The following CACNG3 variants were observed in gnomAD, a reference collection of about 807,000 sequenced individuals.
The protein encoded by CACNG3 is calcium voltage-gated channel auxiliary subunit gamma 3.
A neutral mutation model predicts 28.5 loss-of-function variants in CACNG3; 3 were observed. That is an observed-to-expected ratio of 0.11 (90% confidence interval 0.05 to 0.27). The LOEUF is 0.27. CACNG3 is among the 10% of genes least tolerant of loss of function. CACNG3 has a pLI of 1.00. For missense variants in CACNG3, 236 were observed against 414.4 expected, an observed-to-expected ratio of 0.57 and a Z score of 3.74; for synonymous variants, 174 against 162.2, an observed-to-expected ratio of 1.07 and a Z score of -0.55.
Position 24,361,383 on chromosome 16 carries a change from T to C in CACNG3, c.468T>C (p.Tyr156=), listed in dbSNP as rs762094078. The part of the protein sequence containing the change: ...GLSNIIGIIV[Y]ISANAGDPGQ... ...GCAACATCATTGGCATCATAGTTTA[T>C]ATATCAGCCAACGCCGGAGACCCCG... Residue 156 remains tyrosine (Y), a synonymous_variant, in exon 4 of 4, where the codon TAT becomes TAC. Coordinates refer to ENST00000005284, the MANE Select transcript of CACNG3 (RefSeq NM_006539.4). This position sits in a 1 kb window ranked among gnomAD's most constrained non-coding sequence, Gnocchi z 6.8. 3.1e-6 allele frequency: 5 copies of C among 1,610,314 alleles called. No homozygotes were observed. In the South Asian group the frequency reaches 4.4e-5, roughly 14 times the overall value.
intron 1 of CACNG3, among the ~76,000 whole-genome samples, chr16:24,269,960 A>T (rs1406529255): frequency 1.3e-5 from 2 of 152,036 alleles, no homozygotes; most frequent in Admixed American, 1.3e-4. Flanking sequence ...ACTGAGGAAA[A>T]GAAAAAAGAA....
At chr16:24,282,381 A>G (rs1596626421) in intron 1 of CACNG3, among the ~76,000 whole-genome samples, 1 of 150,158 alleles carries the variant, frequency 6.7e-6, no homozygotes, top group East Asian at 1.9e-4. Context: ...ACACTTATCC[A>G]CTTGTGCGGC....
At chr16:24,330,644 G>C (rs1899620070) in intron 1 of CACNG3, among the ~76,000 whole-genome samples, 1 of 152,214 alleles carries the variant, frequency 6.6e-6, no homozygotes, top group African/African-American at 2.4e-5. Flanking sequence ...GAAGAGCCCA[G>C]GTGATTCTCA....
chr16:24,281,841 G>A (rs1421365205), intron 1 of CACNG3, among the ~76,000 whole-genome samples: 4 of 152,140 alleles, frequency 2.6e-5, no homozygotes, highest in African/African-American at 9.7e-5. Flanking sequence ...CTCTTTTAAC[G>A]TTGAGGAAAA....
chr16:24,265,089 A>G (rs910988014), intron 1 of CACNG3, among the ~76,000 whole-genome samples: 1 of 152,084 alleles, frequency 6.6e-6, no homozygotes, highest in Admixed American at 6.6e-5. Flanking sequence ...AAAATACAAA[A>G]AAGTTAGCCA....
chr16:24,277,669 A>C (rs1270150952), intron 1 of CACNG3, among the ~76,000 whole-genome samples: 1 of 151,620 alleles, frequency 6.6e-6, no homozygotes, highest in East Asian at 1.9e-4. Context: ...CAGCTACTCT[A>C]CTCAGGAGGC....
chr16:24,312,722 G>A (rs1482871915), intron 1 of CACNG3, among the ~76,000 whole-genome samples: 3 of 151,812 alleles, frequency 2.0e-5, no homozygotes, highest in Non-Finnish European at 4.4e-5. Flanking sequence ...GGAGACTGAG[G>A]CAGGAGAATC....
chr16:24,279,880 T>C (rs1898801139), intron 1 of CACNG3, among the ~76,000 whole-genome samples: 1 of 152,188 alleles, frequency 6.6e-6, no homozygotes, highest in African/African-American at 2.4e-5. Context: ...TTAAAAGTGT[T>C]GAGTTTGCAG....
chr16:24,256,698 C>T lies in CACNG3; in HGVS notation c.-57C>T. On this transcript the variant is annotated 5_prime_UTR_variant, in exon 1 of 4. Transcript: ENST00000005284. The surrounding 1 kb of genome is among the most constrained non-coding windows in gnomAD (Gnocchi z 4.6). ...TACCCGGCTGCAGAGTGATTTTCCC[C>T]TCCGGCACTGACTCTCCCCCTCCAA... The T allele has an allele frequency of 8.4e-7, 1 of 1,183,610 alleles. No individual in the cohort carries two copies. The highest frequency in any genetic ancestry group is 1.3e-6 in the Non-Finnish European group (1 of 788,588). 73.3% of individuals were successfully genotyped at this position (1,183,610 alleles called of 1,614,324 possible).
At chr16:24,285,723 T>G (rs1278497928) in intron 1 of CACNG3, among the ~76,000 whole-genome samples, 1 of 151,854 alleles carries the variant, frequency 6.6e-6, no homozygotes, top group Non-Finnish European at 1.5e-5. Context: ...AGATAATATG[T>G]ATATATAATT....
intron 2 of CACNG3, among the ~76,000 whole-genome samples, chr16:24,352,895 C>G (rs941327143): frequency 6.6e-6 from 1 of 152,192 alleles, no homozygotes; most frequent in Non-Finnish European, 1.5e-5. Context: ...TCAGAAGGGC[C>G]CCACCCTTGG....
chr16:24,331,193 C>G (rs925680199), intron 1 of CACNG3, among the ~76,000 whole-genome samples: 2 of 152,096 alleles, frequency 1.3e-5, no homozygotes, highest in African/African-American at 4.8e-5. Flanking sequence ...AGGTCCAGGA[C>G]TAACCAGAAT....
intron 1 of CACNG3, among the ~76,000 whole-genome samples, chr16:24,291,397 C>T (rs769256374): frequency 9.9e-5 from 15 of 152,100 alleles, no homozygotes; most frequent in South Asian, 4.1e-4. Context: ...GAAGACTGTG[C>T]GGTCCAACAA....
chr16:24,311,620 C>T (rs1488942745), intron 1 of CACNG3, among the ~76,000 whole-genome samples: 1 of 152,120 alleles, frequency 6.6e-6, no homozygotes, highest in Non-Finnish European at 1.5e-5. Flanking sequence ...CTTTGGGAGG[C>T]CCAGGCAGGC....
At chr16:24,349,988 C>T (rs1351506348) in intron 2 of CACNG3, among the ~76,000 whole-genome samples, 1 of 152,208 alleles carries the variant, frequency 6.6e-6, no homozygotes, top group Non-Finnish European at 1.5e-5. Context: ...TACACTTGAA[C>T]AAGCTTATGT....
At chr16:24,297,521 C>T (rs573801319) in intron 1 of CACNG3, among the ~76,000 whole-genome samples, 1 of 152,242 alleles carries the variant, frequency 6.6e-6, no homozygotes, top group South Asian at 2.1e-4. Flanking sequence ...TGCATCTACC[C>T]GCCCACCCAC....
At chr16:24,354,995 T>C in intron 3 of CACNG3, 22 bp downstream of exon 3, 1 of 1,604,140 alleles carries the variant, frequency 6.2e-7, no homozygotes, top group Non-Finnish European at 8.5e-7. Context: ...GCCCCAGCCC[T>C]GAGATCTTCA....
At chr16:24,324,039 G>A (rs1161126971) in intron 1 of CACNG3, among the ~76,000 whole-genome samples, 1 of 152,164 alleles carries the variant, frequency 6.6e-6, no homozygotes, top group Non-Finnish European at 1.5e-5. Flanking sequence ...CTCCTAAAGT[G>A]TTGGGATTAC....
chr16:24,339,063 G>A (rs1899747248), intron 1 of CACNG3, among the ~76,000 whole-genome samples: 1 of 152,176 alleles, frequency 6.6e-6, no homozygotes. Flanking sequence ...ATTCTGCTGA[G>A]TTATCAGGTG....
Sources: allele counts gnomAD v4.1 joint callset (sites outside exome capture counted in the v4.1 genomes callset), GRCh38; gene constraint gnomAD v4.1.1; non-coding constraint Gnocchi (gnomAD v3.1); transcripts MANE v1.5; gene names NCBI Gene and HGNC (gene_info 2026-07-23, HGNC 2026-07-21).